MAT1A: variants seen among roughly 807,000 people sequenced by gnomAD.
MAT1A encodes the protein methionine adenosyltransferase 1A.
A neutral mutation model predicts 44.0 loss-of-function variants in MAT1A; 19 were observed. The observed-to-expected ratio is 0.43, with a 90% confidence interval of 0.30 to 0.63. The LOEUF (loss-of-function observed/expected upper bound fraction) is 0.63. MAT1A is among the 30% of genes least tolerant of loss of function. The pLI is 0.12. For synonymous variants in MAT1A, 205 were observed against 205.6 expected (o/e 1.00, Z 0.03); for missense variants, 397 against 531.0 (o/e 0.75, Z 2.48).
In MAT1A at chr10:80,273,427, G is replaced by A. The variant is rs928452252; in HGVS notation, c.*354C>T. ...CTGTTGAGATGTGCTGACCTCACCT[G>A]GCACAGGCAAGGGGAGGGAGGGGGA... On this transcript the variant is annotated 3_prime_UTR_variant, in exon 9 of 9. Transcript: ENST00000372213. 1.8e-5 allele frequency: 6 copies of A among 342,804 alleles called. No individual in the cohort carries two copies. The highest frequency in any genetic ancestry group is 2.9e-5 in the Non-Finnish European group (5 of 175,120). The allele number at this position is 342,804 out of a possible 1,614,324, so 21.2% of individuals were successfully genotyped here. A position where few individuals can be genotyped will look rare whatever the true frequency, so the allele number is the denominator to read the frequency against.
Position 80,276,388 on chromosome 10 carries a change from G to T in MAT1A, c.756C>A (p.Ile252=), listed in dbSNP as rs752764990. ...YHLQPSGRFV[I]GGPQGDAGVT... Reference sequence around the variant, plus strand: ...GACAAGAATGCACCTGGGGACCTCCGATGACAAACCGCCCACTGGGCTGCA... The same window carrying T: ...GACAAGAATGCACCTGGGGACCTCCTATGACAAACCGCCCACTGGGCTGCA... Residue 252 remains isoleucine (I), a synonymous_variant, in exon 6 of 9, where the codon ATC becomes ATA. Coordinates refer to ENST00000372213, the MANE Select transcript of MAT1A (RefSeq NM_000429.3). 5.0e-6 allele frequency: 8 copies of T among 1,614,114 alleles called. No individual in the cohort carries two copies. The East Asian group carries it at 1.8e-4, about 36-fold the overall frequency.
chr10:80,280,535 C>T, intron 4 of MAT1A, 145 bp downstream of exon 4: 1 of 959,294 alleles, frequency 1.0e-6, no homozygotes, highest in Non-Finnish European at 1.7e-6. Context: ...CAGCCATCCA[C>T]AGCACGGCCG....
intron 2 of MAT1A, 42 bp downstream of exon 2, chr10:80,285,470 C>T (rs1453040610): frequency 5.2e-6 from 8 of 1,537,186 alleles, no homozygotes; most frequent in Non-Finnish European, 7.2e-6. Context: ...CTCAGTCTAG[C>T]CCACTTAGGT....
chr10:80,280,090 A>T lies in MAT1A; in HGVS notation c.549+83T>A. 2.6e-6 allele frequency: 4 copies of T among 1,513,162 alleles called. No homozygotes were observed. The South Asian group carries it at 3.4e-5, about 13-fold the overall frequency. 93.7% of individuals were successfully genotyped at this position (1,513,162 alleles called of 1,614,324 possible). Reference sequence around the variant, plus strand: ...CCCAGATTGAATATTTCGATCTTAAAAATGACACAATCAAGAATCAAGAGG... The same window carrying T: ...CCCAGATTGAATATTTCGATCTTAATAATGACACAATCAAGAATCAAGAGG... On this transcript the variant is annotated intron_variant, in intron 5 of 8. Coordinates refer to ENST00000372213, the MANE Select transcript of MAT1A (RefSeq NM_000429.3).
chr10:80,278,137 C>G (rs943113767), intron 5 of MAT1A, among the ~76,000 whole-genome samples: 1 of 152,212 alleles, frequency 6.6e-6, no homozygotes, highest in African/African-American at 2.4e-5. Context: ...GTCTGCACCC[C>G]CTGAGACTGG....
intron 3 of MAT1A, among the ~76,000 whole-genome samples, chr10:80,281,832 G>T (rs1841571863): frequency 6.6e-6 from 1 of 152,158 alleles, no homozygotes; most frequent in African/African-American, 2.4e-5. Flanking sequence ...ATGAACTCAA[G>T]TTTAGCCATC....
Position 80,289,347 on chromosome 10 carries a change from C to T in MAT1A, c.77G>A (p.Gly26Glu), listed in dbSNP as rs757937865. Residue 26 changes from glycine to glutamate, a missense_variant, in exon 1 of 9, where the codon GGA (glycine) becomes GAA (glutamate). Transcript: ENST00000372213. ...GVFMFTSESV[G>E]EGHPDKICDQ... The stretch of plus-strand genomic sequence containing the variant: ...AGCCTACTTACCCGGGTGTCCCTCT[C>T]CCACAGACTCCGATGTGAACATGAA... The T allele has an allele frequency of 1.2e-6, 2 of 1,614,158 alleles. No homozygotes were observed. Among genetic ancestry groups the T allele is most frequent in the South Asian group, 2.2e-5 (2 of 91,088 alleles).
chr10:80,272,307 A>G lies in MAT1A; in HGVS notation c.*1474T>C. The G allele has an allele frequency of 6.5e-6, 1 of 153,306 alleles. No individual in the cohort carries two copies. The highest frequency in any genetic ancestry group is 1.5e-5 in the Non-Finnish European group (1 of 68,820). 9.5% of individuals were successfully genotyped at this position (153,306 alleles called of 1,614,324 possible). A position where few individuals can be genotyped will look rare whatever the true frequency, so the allele number is the denominator to read the frequency against. On this transcript the variant is annotated 3_prime_UTR_variant, in exon 9 of 9. Transcript: ENST00000372213. ...GTAGAGATGCTGCTGTCAGAGGTCC[A>G]GGCTAAGGACAAGTGGGGCAGGTAG...
At chr10:80,280,547 G>A (rs1185970779) in intron 4 of MAT1A, 133 bp downstream of exon 4, 47 of 1,003,392 alleles carry the variant, frequency 4.7e-5, no homozygotes, top group Non-Finnish European at 7.0e-5. Context: ...GCACGGCCGT[G>A]AAGCTGGGGT....
At position 80,285,551 on chromosome 10, in the gene MAT1A, C is replaced by A; in HGVS notation, c.130G>T (p.Ala44Ser). The part of the protein sequence containing the change: ...CDQISDAVLD[A>S]HLKQDPNAKV... ...GCATTGGGGTCTTGCTTGAGATGGG[C>A]ATCCAGCACTGCATCACTGATCTGG... is the stretch of plus-strand genomic sequence containing the variant. Residue 44 changes from alanine to serine, a missense_variant, in exon 2 of 9, where the codon GCC (alanine) becomes TCC (serine). Coordinates refer to ENST00000372213, the MANE Select transcript of MAT1A (RefSeq NM_000429.3). 7 of 1,614,124 alleles carry A rather than the reference C, an allele frequency of 4.3e-6. No homozygotes were observed. Among genetic ancestry groups the A allele is most frequent in the Non-Finnish European group, 5.9e-6 (7 of 1,179,984 alleles).
Position 80,280,374 on chromosome 10 carries a change from T to C in MAT1A, c.406-58A>G, listed in dbSNP as rs1375977131. 1.9e-6 allele frequency: 3 copies of C among 1,603,682 alleles called. No individual in the cohort carries two copies. The African/African-American group carries it at 4.0e-5, about 22-fold the overall frequency. ...CCCTAGACCAAGAGGACCGCAGCTC[T>C]CTCCAAGCCTGAAATCTCCCTGGTG... is the stretch of plus-strand genomic sequence containing the variant. On this transcript the variant is annotated intron_variant, in intron 4 of 8. Coordinates refer to ENST00000372213, the MANE Select transcript of MAT1A (RefSeq NM_000429.3).
intron 8 of MAT1A, 34 bp from the exon 9 acceptor site, chr10:80,273,917 G>GA (rs756888546): frequency 1.9e-5 from 27 of 1,416,710 alleles, no homozygotes; most frequent in Non-Finnish European, 2.5e-5. Flanking sequence ...GGCATTGGAA[G>GA]ATGGAACAGG....
chr10:80,279,311 A>C (rs1841529244), intron 5 of MAT1A, among the ~76,000 whole-genome samples: 1 of 151,836 alleles, frequency 6.6e-6, no homozygotes, highest in Non-Finnish European at 1.5e-5. Flanking sequence ...AGGTGGAGAG[A>C]GATGGCGCTG....
chr10:80,276,124 G>A (rs1242244260), intron 6 of MAT1A, among the ~76,000 whole-genome samples: 1 of 152,180 alleles, frequency 6.6e-6, no homozygotes, highest in Non-Finnish European at 1.5e-5. Context: ...GGAGTGGGAG[G>A]GCCCAGTGGC....
chr10:80,280,854 C>T (rs888453737), intron 3 of MAT1A, 62 bp from the exon 4 acceptor site: 3 of 1,180,342 alleles, frequency 2.5e-6, no homozygotes. Context: ...CCACAAACTT[C>T]CCAATGGATG....
Position 80,289,495 on chromosome 10 carries a change from T to C in MAT1A, c.-72A>G, listed in dbSNP as rs200488580. On this transcript the variant is annotated 5_prime_UTR_variant, in exon 1 of 9. Coordinates refer to ENST00000372213, the MANE Select transcript of MAT1A (RefSeq NM_000429.3). ...GGCTGTGACTTTGCCTGAGTTTTTT[T>C]TTCTTCTTCTTCTTCTTCTTTCAAC... 7.5e-4 allele frequency: 645 copies of C among 864,056 alleles called. No individual in the cohort carries two copies. The highest frequency in any genetic ancestry group is 9.5e-4 in the Non-Finnish European group (497 of 521,690). The allele number at this position is 864,056 out of a possible 1,614,324, so 53.5% of individuals were successfully genotyped here.
At chr10:80,285,174 T>C (rs1283748197) in intron 2 of MAT1A, among the ~76,000 whole-genome samples, 1 of 152,208 alleles carries the variant, frequency 6.6e-6, no homozygotes, top group Non-Finnish European at 1.5e-5. Context: ...GCATCCCGTC[T>C]GGAAGATTCA....
At chr10:80,288,516 C>T (rs1056074734) in intron 1 of MAT1A, among the ~76,000 whole-genome samples, 5 of 152,218 alleles carry the variant, frequency 3.3e-5, no homozygotes, top group Non-Finnish European at 1.5e-5. Flanking sequence ...GCTTCTCTCA[C>T]TTCCGCACAT....
chr10:80,278,986 G>T (rs1206821192), intron 5 of MAT1A, among the ~76,000 whole-genome samples: 1 of 152,226 alleles, frequency 6.6e-6, no homozygotes, highest in African/African-American at 2.4e-5. Flanking sequence ...TGAGTGAAAT[G>T]ATGTCGATTA....
Sources: gnomAD v4.1 joint callset for allele counts (sites outside exome capture counted in the v4.1 genomes callset) on GRCh38, gnomAD v4.1.1 for gene constraint, MANE v1.5 for transcripts, NCBI Gene and HGNC (gene_info 2026-07-23, HGNC 2026-07-21) for gene names.